SPINT2: variants seen among roughly 807,000 people sequenced by gnomAD.
SPINT2 encodes kunitz-type protease inhibitor 2.
A neutral mutation model predicts 30.1 loss-of-function variants in SPINT2; 18 were observed. That is an observed-to-expected ratio of 0.60 (90% CI 0.41 to 0.89). SPINT2 has a LOEUF of 0.89. Ranked by LOEUF, SPINT2 falls within the 40% of genes least tolerant of loss-of-function variation. SPINT2 has a pLI of 0.00. For synonymous variants in SPINT2, 139 were observed against 137.9 expected, an observed-to-expected ratio of 1.01 and a Z score of -0.05; for missense variants, 276 against 334.3, an observed-to-expected ratio of 0.83 and a Z score of 1.36.
chr19:38,272,348 T>C (rs904456459), intron 1 of SPINT2, among the ~76,000 whole-genome samples: 8 of 152,132 alleles, frequency 5.3e-5, no homozygotes, highest in Admixed American at 2.6e-4. Context: ...TGAATAGATA[T>C]ATAGTATGTC....
intron 1 of SPINT2, among the ~76,000 whole-genome samples, chr19:38,274,473 A>G (rs999303297): frequency 6.6e-6 from 1 of 152,124 alleles, no homozygotes; most frequent in Non-Finnish European, 1.5e-5. Context: ...AGTGTTTTTA[A>G]TGAAAAGAGG....
At chr19:38,291,645 T>C (rs1257779418) in intron 6 of SPINT2, 195 bp from the exon 7 acceptor site, 1 of 642,038 alleles carries the variant, frequency 1.6e-6, no homozygotes, top group African/African-American at 1.8e-5. Context: ...GCCTCCTTTT[T>C]TGGGGGACTC....
chr19:38,267,649 C>T (rs1218315083), intron 1 of SPINT2, among the ~76,000 whole-genome samples: 1 of 142,888 alleles, frequency 7.0e-6, no homozygotes, highest in Non-Finnish European at 1.5e-5. Context: ...TGAGAGGAAG[C>T]GGGGGGGCGA....
intron 3 of SPINT2, 147 bp from the exon 4 acceptor site, chr19:38,288,986 GGTGAC>G (rs1324314949): frequency 1.4e-6 from 1 of 722,518 alleles, no homozygotes; most frequent in Admixed American, 2.0e-5. Context: ...TTAGGGCTGG[GGTGAC>G]GTGGCAGAGC....
At chr19:38,288,143 G>A (rs979616020) in intron 3 of SPINT2, among the ~76,000 whole-genome samples, 1 of 152,142 alleles carries the variant, frequency 6.6e-6, no homozygotes, top group Non-Finnish European at 1.5e-5. Flanking sequence ...CACAGGGGCC[G>A]GGGATCCTGC....
At chr19:38,272,311 T>G (rs967343365) in intron 1 of SPINT2, among the ~76,000 whole-genome samples, 1 of 152,202 alleles carries the variant, frequency 6.6e-6, no homozygotes, top group Non-Finnish European at 1.5e-5. Context: ...TATAATAGTT[T>G]GTGACCTTTT....
chr19:38,275,589 A>T (rs867445090), intron 1 of SPINT2, among the ~76,000 whole-genome samples: 15 of 151,982 alleles, frequency 9.9e-5, no homozygotes, highest in Non-Finnish European at 1.5e-4. Context: ...GGCCAAAAAA[A>T]TTTTTTTATT....
At position 38,290,869 on chromosome 19, in the gene SPINT2, G is replaced by A. The variant is rs1364127852; in HGVS notation, c.592+294G>A. The stretch of plus-strand genomic sequence containing the variant: ...GACTGCTGCACACGGGCCTGAGGCT[G>A]GCCTGAGGTGTGGAGGGAGCGCTGC... On this transcript the variant is annotated intron_variant, in intron 6 of 6. Transcript: ENST00000301244. This position sits in a 1 kb window ranked among gnomAD's most constrained non-coding sequence, Gnocchi z 4.3. 1.9e-6 allele frequency: 1 copy of A among 517,334 alleles called. No individual in the cohort carries two copies. Among genetic ancestry groups the A allele is most frequent in the Admixed American group, 3.1e-5 (1 of 32,518 alleles). The allele number at this position is 517,334 out of a possible 1,614,324, so 32.0% of individuals were successfully genotyped here. A position where few individuals can be genotyped will look rare whatever the true frequency, so the allele number is the denominator to read the frequency against.
At position 38,292,081 on chromosome 19, in the gene SPINT2, T is replaced by C; in HGVS notation, c.*75T>C. Reference sequence around the variant, plus strand: ...GCTTTTTTTAAATAGAGGGATTGACTCGGATTTGAGTGATCATTAGGGCTG... The same window carrying C: ...GCTTTTTTTAAATAGAGGGATTGACCCGGATTTGAGTGATCATTAGGGCTG... On this transcript the variant is annotated 3_prime_UTR_variant, in exon 7 of 7. Transcript: ENST00000301244. 5 of 1,552,890 alleles carry C rather than the reference T, an allele frequency of 3.2e-6. No individual in the cohort carries two copies. Among genetic ancestry groups the C allele is most frequent in the Non-Finnish European group, 4.4e-6 (5 of 1,142,878 alleles).
chr19:38,268,766 C>CGCGCGCGCGCGTGTGTGTGTGTGTGT (rs375982086), intron 1 of SPINT2, among the ~76,000 whole-genome samples: 3 of 149,920 alleles, frequency 2.0e-5, no homozygotes, highest in African/African-American at 7.4e-5. Context: ...TGCGCGCGCG[C>CGCGCGCGCGCGTGTGTGTGTGTGTGT]GTGTGTGTGT....
intron 1 of SPINT2, among the ~76,000 whole-genome samples, chr19:38,265,947 G>C (rs552043563): frequency 6.6e-6 from 1 of 152,192 alleles, no homozygotes; most frequent in South Asian, 2.1e-4. Context: ...TTAAGTTACT[G>C]AGAATTAAAT....
intron 1 of SPINT2, among the ~76,000 whole-genome samples, chr19:38,282,829 G>A (rs997154694): frequency 6.6e-6 from 1 of 152,220 alleles, no homozygotes. Context: ...GCCTGCCTGG[G>A]CAGAGAGTGG....
At chr19:38,265,795 T>C (rs1398035383) in intron 1 of SPINT2, 1 of 152,310 alleles carries the variant, frequency 6.6e-6, no homozygotes, top group African/African-American at 2.4e-5. Context: ...TCAGCAAAAC[T>C]TACTGAGGCC....
At chr19:38,276,653 C>A (rs1968522288) in intron 1 of SPINT2, among the ~76,000 whole-genome samples, 2 of 151,698 alleles carry the variant, frequency 1.3e-5, no homozygotes, top group African/African-American at 4.8e-5. Flanking sequence ...AAAAAACAAA[C>A]AAACAAAGCT....
rs2146280016 is a variant in SPINT2 at position 38,290,393 on chromosome 19, A to G, written c.553+113A>G. The G allele has an allele frequency of 6.3e-7, 1 of 1,580,572 alleles. No homozygotes were observed. Among genetic ancestry groups the G allele is most frequent in the Non-Finnish European group, 8.6e-7 (1 of 1,162,296 alleles). On this transcript the variant is annotated intron_variant, in intron 5 of 6. Transcript: ENST00000301244. This position sits in a 1 kb window ranked among gnomAD's most constrained non-coding sequence, Gnocchi z 4.3. ...ATGCTGTTCTTGGGCCCACCAGGGC[A>G]GCAAGGCCTCTAAGCCCCAGAAAAG...
intron 3 of SPINT2, 129 bp from the exon 4 acceptor site, chr19:38,289,009 G>T: frequency 1.2e-6 from 1 of 827,720 alleles, no homozygotes; most frequent in African/African-American, 1.7e-5. Context: ...AGCCGGCCAT[G>T]GAAGGGGCTA....
In SPINT2 at chr19:38,279,206, A is replaced by T. The variant is rs28552669; in HGVS notation, c.107-4421A>T. Among the ~76,000 whole-genome samples the T allele has an allele frequency of 1.9e-4, 29 of 148,744 alleles. 2 individuals are homozygous for T. The highest frequency in any genetic ancestry group is 4.9e-4 in the African/African-American group (20 of 40,544). On this transcript the variant is annotated intron_variant, in intron 1 of 6. Coordinates refer to ENST00000301244, the MANE Select transcript of SPINT2 (RefSeq NM_021102.4). ...TGAAATTTGAGTAAAAAAAAAAAAA[A>T]TTTTTTTTTTGGCCAGGTGCGGTGG...
intron 3 of SPINT2, 164 bp from the exon 4 acceptor site, chr19:38,288,974 C>A: frequency 1.5e-6 from 1 of 687,442 alleles, no homozygotes; most frequent in South Asian, 1.6e-5. Context: ...GCGTAGAGCC[C>A]ATTAGGGCTG....
At chr19:38,269,592 G>A (rs1317428353) in intron 1 of SPINT2, among the ~76,000 whole-genome samples, 6 of 146,294 alleles carry the variant, frequency 4.1e-5, no homozygotes, top group African/African-American at 1.3e-4. Context: ...TTTTAGTTGA[G>A]ATGGGATTTC....
Sources: allele counts gnomAD v4.1 joint callset (sites outside exome capture counted in the v4.1 genomes callset), GRCh38; gene constraint gnomAD v4.1.1; non-coding constraint Gnocchi (gnomAD v3.1); transcripts MANE v1.5; gene names NCBI Gene and HGNC (gene_info 2026-07-23, HGNC 2026-07-21).